The following SPOCK1 variants were observed in gnomAD, a reference collection of about 807,000 sequenced individuals.
SPOCK1 encodes SPARC (osteonectin), cwcv and kazal like domains proteoglycan 1, also known as testican-1.
In SPOCK1, 23 loss-of-function variants were observed where a neutral mutation model predicts 55.3. That is an observed-to-expected ratio of 0.42 (90% CI 0.30 to 0.59). The LOEUF (loss-of-function observed/expected upper bound fraction) is 0.59, where lower values mean the gene tolerates loss of function less well. Among genes scored for constraint, SPOCK1 ranks in the 20% least tolerant of loss-of-function variants. The pLI, the probability that SPOCK1 is intolerant of heterozygous loss-of-function variation, is 0.22. For missense variants in SPOCK1, 499 were observed against 552.5 expected, an observed-to-expected ratio of 0.90 and a Z score of 0.97; for synonymous variants, 226 against 221.0, an observed-to-expected ratio of 1.02 and a Z score of -0.20.
intron 6 of SPOCK1, among the ~76,000 whole-genome samples, chr5:137,035,196 G>T (rs1299521542): frequency 6.6e-6 from 1 of 152,200 alleles, no homozygotes; most frequent in African/African-American, 2.4e-5. Context: ...CTCTCCCTCT[G>T]CCTGAAGGAG....
chr5:137,253,834 A>G (rs976328021), intron 3 of SPOCK1, among the ~76,000 whole-genome samples: 2 of 152,220 alleles, frequency 1.3e-5, no homozygotes, highest in African/African-American at 4.8e-5. Flanking sequence ...ATATCCAGGT[A>G]TGGCTATTAT....
intron 3 of SPOCK1, among the ~76,000 whole-genome samples, chr5:137,175,753 G>A (rs1021814779): frequency 1.3e-5 from 2 of 152,092 alleles, no homozygotes; most frequent in Non-Finnish European, 1.5e-5. Context: ...AGAGCACCTG[G>A]CATATAGAAT....
At chr5:137,126,708 G>C (rs1164064116) in intron 4 of SPOCK1, among the ~76,000 whole-genome samples, 1 of 152,150 alleles carries the variant, frequency 6.6e-6, no homozygotes, top group Non-Finnish European at 1.5e-5. Context: ...GCTGCAGTGA[G>C]CTGAGATCAC....
chr5:137,447,977 G>A lies in SPOCK1; in HGVS notation c.186+50396C>T, dbSNP rs146708877. On this transcript the variant is annotated intron_variant, in intron 2 of 10. Transcript: ENST00000394945. ...TAAAAAATAAATACAGCCAGGCACA[G>A]TGGTTCATGCCTGTAATCCCAGCAC... Among the ~76,000 whole-genome samples the A allele has an allele frequency of 8.7e-4, 133 of 152,340 alleles. 1 individual carries two copies. Among genetic ancestry groups the A allele is most frequent in the African/African-American group, 2.9e-3 (120 of 41,568 alleles).
At chr5:136,985,238 G>A (rs1345876674) in intron 8 of SPOCK1, 36 bp from the exon 9 acceptor site, 5 of 1,575,570 alleles carry the variant, frequency 3.2e-6, no homozygotes, top group Non-Finnish European at 4.4e-6. Flanking sequence ...CTTCCAGATG[G>A]TATGGAGTAT....
intron 6 of SPOCK1, among the ~76,000 whole-genome samples, chr5:136,998,760 G>T (rs1751094616): frequency 6.6e-6 from 1 of 152,228 alleles, no homozygotes; most frequent in South Asian, 2.1e-4. Context: ...CGAACAGCCT[G>T]CTGCCTGTGT....
At chr5:137,056,263 G>A (rs895694120) in intron 6 of SPOCK1, among the ~76,000 whole-genome samples, 1 of 152,108 alleles carries the variant, frequency 6.6e-6, no homozygotes, top group African/African-American at 2.4e-5. Flanking sequence ...ACAACCATGT[G>A]GGGGTGGGGG....
At chr5:137,390,153 G>A (rs1351235910) in intron 2 of SPOCK1, among the ~76,000 whole-genome samples, 2 of 152,140 alleles carry the variant, frequency 1.3e-5, no homozygotes, top group African/African-American at 4.8e-5. Context: ...GGGGGTACTT[G>A]GGGATTTTCT....
intron 3 of SPOCK1, among the ~76,000 whole-genome samples, chr5:137,258,683 C>T (rs951847475): frequency 3.9e-5 from 6 of 152,136 alleles, no homozygotes; most frequent in Admixed American, 6.5e-5. Context: ...TTTTTCCCTC[C>T]TTTTATACAA....
At chr5:137,068,722 C>T (rs946713384) in intron 5 of SPOCK1, among the ~76,000 whole-genome samples, 8 of 152,218 alleles carry the variant, frequency 5.3e-5, no homozygotes, top group African/African-American at 1.7e-4. Context: ...GGGCCAAGCA[C>T]TTAATGCATT....
intron 8 of SPOCK1, among the ~76,000 whole-genome samples, chr5:136,988,169 T>C (rs1180344024): frequency 6.6e-6 from 1 of 152,218 alleles, no homozygotes; most frequent in African/African-American, 2.4e-5. Context: ...TACGGACAGT[T>C]GAGAGACTTC....
At chr5:137,457,841 C>T (rs1753398136) in intron 2 of SPOCK1, among the ~76,000 whole-genome samples, 1 of 152,132 alleles carries the variant, frequency 6.6e-6, no homozygotes, top group Admixed American at 6.6e-5. Flanking sequence ...AGGTAACTCT[C>T]CTTCAGTTTT....
At chr5:137,394,772 TA>T (rs1751805471) in intron 2 of SPOCK1, among the ~76,000 whole-genome samples, 1 of 152,108 alleles carries the variant, frequency 6.6e-6, no homozygotes. Context: ...TTATAAAGTG[TA>T]ATAGGGTTTT....
intron 2 of SPOCK1, among the ~76,000 whole-genome samples, chr5:137,393,826 A>G (rs951597154): frequency 1.3e-5 from 2 of 152,228 alleles, no homozygotes; most frequent in African/African-American, 4.8e-5. Flanking sequence ...CACATAATAA[A>G]CACTATTAAG....
chr5:137,047,013 T>G (rs1752117025), intron 6 of SPOCK1, among the ~76,000 whole-genome samples: 2 of 22,736 alleles, frequency 8.8e-5, no homozygotes, highest in African/African-American at 1.8e-4. Context: ...TGGATAAGCT[T>G]TTTGATGTGC....
chr5:137,330,130 G>A (rs570594982), intron 2 of SPOCK1, among the ~76,000 whole-genome samples: 1 of 152,278 alleles, frequency 6.6e-6, no homozygotes, highest in South Asian at 2.1e-4. Context: ...CAGGAGCTAA[G>A]GGATGACCTA....
chr5:137,446,096 A>T (rs1333754055), intron 2 of SPOCK1, among the ~76,000 whole-genome samples: 1 of 152,198 alleles, frequency 6.6e-6, no homozygotes, highest in Non-Finnish European at 1.5e-5. Context: ...CTCTACATTA[A>T]ATTATATATA....
At chr5:137,217,026 T>G (rs9327775) in intron 3 of SPOCK1, among the ~76,000 whole-genome samples, 8 of 151,752 alleles carry the variant, frequency 5.3e-5, no homozygotes, top group Non-Finnish European at 1.0e-4. Flanking sequence ...AGGCCTAGGT[T>G]GGGAGAAGGG....
At chr5:137,250,037 T>C (rs1756477901) in intron 3 of SPOCK1, among the ~76,000 whole-genome samples, 1 of 152,190 alleles carries the variant, frequency 6.6e-6, no homozygotes, top group African/African-American at 2.4e-5. Flanking sequence ...CTGCCACCTG[T>C]TTTATATAAC....
Sources: gnomAD v4.1 joint callset for allele counts (sites outside exome capture counted in the v4.1 genomes callset) on GRCh38, gnomAD v4.1.1 for gene constraint, MANE v1.5 for transcripts, NCBI Gene and HGNC (gene_info 2026-07-23, HGNC 2026-07-21) for gene names.